Variants in IGFBP4 observed in about 807,000 individuals in gnomAD.
The protein encoded by IGFBP4 is insulin like growth factor binding protein 4.
IGFBP4 carries 9 observed loss-of-function variants against 25.8 expected under a neutral mutation model. That is an observed-to-expected ratio of 0.35 (90% CI 0.21 to 0.61). The LOEUF is 0.61. Ranked by LOEUF, IGFBP4 falls within the 20% of genes least tolerant of loss-of-function variation. The pLI, the probability that IGFBP4 is intolerant of heterozygous loss-of-function variation, is 0.77. For missense variants in IGFBP4, 315 were observed against 365.3 expected, an observed-to-expected ratio of 0.86 and a Z score of 1.12; for synonymous variants, 153 against 153.9, an observed-to-expected ratio of 0.99 and a Z score of 0.05.
intron 1 of IGFBP4, among the ~76,000 whole-genome samples, chr17:40,444,914 CACACACACACACAGAGACAGAGAGAGAG>C (rs1420006799): frequency 1.4e-4 from 12 of 87,976 alleles, no homozygotes; most frequent in African/African-American, 5.0e-4. Flanking sequence ...CACACACACA[CACACACACACACAGAGACAGAGAGAGAG>C]AGAGAGAGAG....
At chr17:40,446,809 A>G (rs1380303438) in intron 1 of IGFBP4, among the ~76,000 whole-genome samples, 1 of 152,092 alleles carries the variant, frequency 6.6e-6, no homozygotes, top group East Asian at 1.9e-4. Flanking sequence ...GGAGGTACCT[A>G]CTGAGCAAGC....
chr17:40,445,190 C>G (rs2035637773), intron 1 of IGFBP4, among the ~76,000 whole-genome samples: 1 of 152,124 alleles, frequency 6.6e-6, no homozygotes. Context: ...TCTTTCTCCA[C>G]CTTATTCTGT....
chr17:40,447,537 C>G (rs917851466), intron 1 of IGFBP4, among the ~76,000 whole-genome samples: 3 of 152,158 alleles, frequency 2.0e-5, no homozygotes, highest in South Asian at 2.1e-4. Context: ...GTCATGGGAA[C>G]AAGGGCATTC....
chr17:40,444,345 G>A (rs1157397219), intron 1 of IGFBP4, among the ~76,000 whole-genome samples: 1 of 152,152 alleles, frequency 6.6e-6, no homozygotes, highest in Non-Finnish European at 1.5e-5. Context: ...TTTGATAAGG[G>A]GGTCCCAGTG....
intron 1 of IGFBP4, among the ~76,000 whole-genome samples, chr17:40,447,594 G>T (rs776628381): frequency 3.9e-5 from 6 of 152,120 alleles, no homozygotes; most frequent in Non-Finnish European, 8.8e-5. Flanking sequence ...GAGCATGGCC[G>T]CTTCCCATTT....
rs751494676 is a variant in IGFBP4, at chr17:40,454,059, G to A, written c.639G>A (p.Lys213=). The A allele has an allele frequency of 2.5e-6, 4 of 1,612,056 alleles. No individual in the cohort carries two copies. The highest frequency in any genetic ancestry group is 3.4e-6 in the Non-Finnish European group (4 of 1,179,192). Residue 213 remains lysine (K), a synonymous_variant, in exon 3 of 4, where the codon AAG becomes AAA. Coordinates refer to ENST00000269593, the MANE Select transcript of IGFBP4 (RefSeq NM_001552.3). ...ACCGCAACGGCAACTTCCACCCCAA[G>A]CAGGTGGGTCTCTGTCTCCCGCTGG... The part of the protein sequence containing the change: ...NCDRNGNFHP[K]QCHPALDGQR...
Position 40,453,227 on chromosome 17 carries a change from C to T in IGFBP4, c.507+85C>T, listed in dbSNP as rs1421759671. The T allele has an allele frequency of 2.0e-6, 2 of 1,017,796 alleles. No homozygotes were observed. The highest frequency in any genetic ancestry group is 2.7e-6 in the Non-Finnish European group (2 of 743,210). 63.0% of individuals were successfully genotyped at this position (1,017,796 alleles called of 1,614,324 possible). A position where few individuals can be genotyped will look rare whatever the true frequency, so the allele number is the denominator to read the frequency against. ...TGCCCCCCACATGCACGCACCCACA[C>T]ACACCATCACCACCAGATCTGGGGC... On this transcript the variant is annotated intron_variant, in intron 2 of 3. Transcript: ENST00000269593. The surrounding 1 kb of genome is among the most constrained non-coding windows in gnomAD (Gnocchi z 4.0).
intron 1 of IGFBP4, among the ~76,000 whole-genome samples, chr17:40,447,415 A>C (rs10305287): frequency 0.01 from 1,542 of 152,324 alleles, 10 homozygotes; most frequent in Non-Finnish European, 0.016. Context: ...GGAGTTCCTA[A>C]GCTGGGCTCT....
chr17:40,451,588 C>T (rs770491581), intron 1 of IGFBP4, among the ~76,000 whole-genome samples: 6 of 152,054 alleles, frequency 3.9e-5, no homozygotes, highest in Admixed American at 6.5e-5. Flanking sequence ...AAAACCCTGA[C>T]GCAAACCAGA....
rs546560122 is a variant in IGFBP4, at chr17:40,447,981, G to A, written c.349+3897G>A. Among the ~76,000 whole-genome samples the A allele has an allele frequency of 2.1e-4, 32 of 152,318 alleles. No individual in the cohort carries two copies. In the East Asian group the frequency reaches 6.2e-3, roughly 29 times the overall value. On this transcript the variant is annotated intron_variant, in intron 1 of 3. Coordinates refer to ENST00000269593, the MANE Select transcript of IGFBP4 (RefSeq NM_001552.3). ...AAGAACAGGCCAAGTTGCCTTATCTGTTTTTTATTCTGAGGCTGGCAGCAT... is the reference window on the plus strand; with the variant it reads ...AAGAACAGGCCAAGTTGCCTTATCTATTTTTTATTCTGAGGCTGGCAGCAT...
intron 1 of IGFBP4, 111 bp from the exon 2 acceptor site, chr17:40,452,874 A>T: frequency 1.2e-6 from 1 of 859,372 alleles, no homozygotes; most frequent in Non-Finnish European, 1.7e-6. Context: ...GCTCTTCTCC[A>T]GCGCCAAGCC....
Position 40,453,060 on chromosome 17 carries a change from A to G in IGFBP4, c.425A>G (p.His142Arg). ...CATGACCGCAGGTGCCTGCAGAAGC[A>G]CTTCGCCAAAATTCGAGACCGGAGC... ...SAHDRRCLQK[H>R]FAKIRDRSTS... Residue 142 changes from histidine to arginine, a missense_variant, in exon 2 of 4, where the codon CAC becomes CGC. Transcript: ENST00000269593. The surrounding 1 kb of genome is among the most constrained non-coding windows in gnomAD (Gnocchi z 4.0). The G allele has an allele frequency of 6.2e-7, 1 of 1,602,314 alleles. No homozygotes were observed. The highest frequency in any genetic ancestry group is 8.5e-7 in the Non-Finnish European group (1 of 1,174,350).
rs114009358 is a variant in IGFBP4, at chr17:40,453,913, C to A, written c.508-15C>A. ...TCTTCCTTCTGCTGAGCAATTTTGT[C>A]TTCCCCTCCTCCAGCCCCAGGGCTC... On this transcript the variant is annotated splice_polypyrimidine_tract_variant and intron_variant, in intron 2 of 3. Coordinates refer to ENST00000269593, the MANE Select transcript of IGFBP4 (RefSeq NM_001552.3). This position sits in a 1 kb window ranked among gnomAD's most constrained non-coding sequence, Gnocchi z 4.0. 1,935 of 1,593,152 alleles carry A rather than the reference C, an allele frequency of 1.2e-3. 15 individuals carry two copies. The African/African-American group carries it at 0.023, about 19-fold the overall frequency.
chr17:40,455,054 AAC>A (rs2035706663), intron 3 of IGFBP4, among the ~76,000 whole-genome samples: 1 of 152,186 alleles, frequency 6.6e-6, no homozygotes, highest in Non-Finnish European at 1.5e-5. Flanking sequence ...CCTTTATCCT[AAC>A]ACGAATTTTA....
Position 40,446,308 on chromosome 17 carries a change from C to G in IGFBP4, c.349+2224C>G, listed in dbSNP as rs1483648909. Among the ~76,000 whole-genome samples the G allele has an allele frequency of 5.0e-4, 20 of 40,362 alleles. 1 individual carries two copies. In the Admixed American group the frequency reaches 7.8e-3, roughly 16 times the overall value. The allele number at this position is 40,362 out of a possible 152,430, so 26.5% of individuals were successfully genotyped here. On this transcript the variant is annotated intron_variant, in intron 1 of 3. Transcript: ENST00000269593. Reference sequence around the variant, plus strand: ...CACTCCAGCCTGGGCGACTCTATTTCGTAAAAAAAAAAAAAAAAAAAAGTA... The same window carrying G: ...CACTCCAGCCTGGGCGACTCTATTTGGTAAAAAAAAAAAAAAAAAAAAGTA...
rs2035622256 is a variant in IGFBP4, at chr17:40,443,668, T to G, written c.-68T>G. 2 of 900,856 alleles carry G rather than the reference T, an allele frequency of 2.2e-6. No homozygotes were observed. Among genetic ancestry groups the G allele is most frequent in the African/African-American group, 1.8e-5 (1 of 55,732 alleles). The allele number at this position is 900,856 out of a possible 1,614,324, so 55.8% of individuals were successfully genotyped here. A position where few individuals can be genotyped will look rare whatever the true frequency, so the allele number is the denominator to read the frequency against. On this transcript the variant is annotated 5_prime_UTR_variant, in exon 1 of 4. Transcript: ENST00000269593. ...GCTGCCGCCGTGTGCCCTCCGCCGCTCGCCCGCGCGCCCGCGCTCCCCGCC... is the reference window on the plus strand; with the variant it reads ...GCTGCCGCCGTGTGCCCTCCGCCGCGCGCCCGCGCGCCCGCGCTCCCCGCC...
Position 40,453,233 on chromosome 17 carries a change from A to C in IGFBP4, c.507+91A>C. On this transcript the variant is annotated intron_variant, in intron 2 of 3. Transcript: ENST00000269593. This position sits in a 1 kb window ranked among gnomAD's most constrained non-coding sequence, Gnocchi z 4.0. ...CCACATGCACGCACCCACACACACC[A>C]TCACCACCAGATCTGGGGCGTGTTC... is the stretch of plus-strand genomic sequence containing the variant. 1 of 956,092 alleles carries C rather than the reference A, an allele frequency of 1.0e-6. No individual in the cohort carries two copies. Among genetic ancestry groups the C allele is most frequent in the Non-Finnish European group, 1.4e-6 (1 of 691,148 alleles). 59.2% of individuals were successfully genotyped at this position (956,092 alleles called of 1,614,324 possible). A position where few individuals can be genotyped will look rare whatever the true frequency, so the allele number is the denominator to read the frequency against.
At chr17:40,455,444 CT>C in intron 3 of IGFBP4, among the ~76,000 whole-genome samples, 1 of 151,900 alleles carries the variant, frequency 6.6e-6, no homozygotes, top group South Asian at 2.1e-4. Context: ...CCTCAGTCTC[CT>C]GAGTAGCTGG....
Position 40,456,532 on chromosome 17 carries a change from G to T in IGFBP4, c.726G>T (p.Glu242Asp), listed in dbSNP as rs779473630. 1 of 1,613,736 alleles carries T rather than the reference G, an allele frequency of 6.2e-7. No individual in the cohort carries two copies. The highest frequency in any genetic ancestry group is 1.1e-5 in the South Asian group (1 of 91,062). ...GGGTGAAGCTTCCGGGGGGCCTGGA[G>T]CCAAAGGGGGAGCTGGACTGCCACC... Reference protein sequence around the residue: ...KTGVKLPGGLEPKGELDCHQL... With the variant: ...KTGVKLPGGLDPKGELDCHQL... Residue 242 changes from glutamate (E) to aspartate (D), a missense_variant, in exon 4 of 4, where the codon GAG becomes GAT. Transcript: ENST00000269593.
Sources: allele counts gnomAD v4.1 joint callset (sites outside exome capture counted in the v4.1 genomes callset), GRCh38; gene constraint gnomAD v4.1.1; non-coding constraint Gnocchi (gnomAD v3.1); transcripts MANE v1.5; gene names NCBI Gene and HGNC (gene_info 2026-07-23, HGNC 2026-07-21).